DMD: variants seen among roughly 807,000 people sequenced by gnomAD.
DMD encodes the protein mutant dystrophin.
A neutral mutation model predicts 330.1 loss-of-function variants in DMD; 63 were observed. The ratio of observed to expected loss-of-function variants is 0.19; its 90% confidence interval spans 0.16 to 0.24. The LOEUF is 0.24. Ranked by LOEUF, DMD falls within the 10% of genes least tolerant of loss-of-function variation. The probability of loss-of-function intolerance (pLI) is 1.00; values close to 1 mark genes in which losing one functional copy is unlikely to be tolerated. For missense variants in DMD, 3,344 were observed against 2,684.1 expected, an observed-to-expected ratio of 1.25 and a Z score of -5.43; for synonymous variants, 1,223 against 959.8, an observed-to-expected ratio of 1.27 and a Z score of -5.07.
chrX:33,084,106 C>G (rs2094970041), intron 1 of DMD, among the ~76,000 whole-genome samples: 1 of 112,171 alleles, frequency 8.9e-6, no homozygotes, highest in Admixed American at 9.4e-5. Context: ...GCAATTAAGT[C>G]CACGCACATT....
chrX:32,177,992 G>T (rs2147423413), intron 44 of DMD, among the ~76,000 whole-genome samples: 1 of 110,471 alleles, frequency 9.1e-6, no homozygotes, highest in African/African-American at 3.3e-5. Flanking sequence ...TATGATAACT[G>T]CAGGGTTTTT....
intron 48 of DMD, among the ~76,000 whole-genome samples, chrX:31,844,065 T>TAACA (rs1444197654): frequency 8.9e-6 from 1 of 111,812 alleles, no homozygotes; most frequent in Non-Finnish European, 1.9e-5. Flanking sequence ...TTCACCATGT[T>TAACA]GGCCAGGATG....
intron 45 of DMD, among the ~76,000 whole-genome samples, chrX:31,946,026 A>T (rs958692056): frequency 1.8e-5 from 2 of 112,280 alleles, no homozygotes; most frequent in Admixed American, 9.4e-5. Flanking sequence ...CAACATTTAT[A>T]ATTTTCTCAA....
intron 2 of DMD, among the ~76,000 whole-genome samples, chrX:33,014,494 T>C (rs750137851): frequency 1.8e-5 from 2 of 111,732 alleles, no homozygotes; most frequent in Admixed American, 1.9e-4. Context: ...GGAGATTGAA[T>C]TTCTCACCAG....
intron 48 of DMD, among the ~76,000 whole-genome samples, chrX:31,845,567 A>G (rs917686445): frequency 9.9e-5 from 11 of 110,589 alleles, no homozygotes; most frequent in African/African-American, 3.6e-4. Context: ...CAAGATTTTA[A>G]GGATAAGGGG....
At chrX:32,281,135 T>A (rs1054783003) in intron 43 of DMD, among the ~76,000 whole-genome samples, 2 of 112,278 alleles carry the variant, frequency 1.8e-5, no homozygotes, top group African/African-American at 6.5e-5. Flanking sequence ...GAGAAATCCC[T>A]GGGGAAGCAG....
intron 61 of DMD, among the ~76,000 whole-genome samples, chrX:31,337,095 TTG>T (rs1284330772): frequency 9.1e-6 from 1 of 109,627 alleles, no homozygotes; most frequent in African/African-American, 3.3e-5. Flanking sequence ...GGCTAATTTT[TTG>T]TGTCTTTAGT....
At chrX:32,404,373 T>TA (rs2098105318) in intron 30 of DMD, among the ~76,000 whole-genome samples, 2 of 111,601 alleles carry the variant, frequency 1.8e-5, no homozygotes, top group African/African-American at 3.3e-5. Flanking sequence ...TTTCAATATT[T>TA]AATTATGAGG....
intron 54 of DMD, among the ~76,000 whole-genome samples, chrX:31,641,605 C>T (rs940156836): frequency 9.0e-6 from 1 of 110,504 alleles, no homozygotes; most frequent in Non-Finnish European, 1.9e-5. Context: ...TGAGTAAGTG[C>T]AACATCTCTT....
chrX:31,304,651 T>C, intron 62 of DMD, among the ~76,000 whole-genome samples: 1 of 109,077 alleles, frequency 9.2e-6, no homozygotes, highest in Non-Finnish European at 1.9e-5. Flanking sequence ...CAATAGCTGG[T>C]ACAATAGCCC....
chrX:32,722,244 A>G (rs911247710), intron 7 of DMD, among the ~76,000 whole-genome samples: 2 of 110,463 alleles, frequency 1.8e-5, no homozygotes. Flanking sequence ...ATTTCCACGG[A>G]TGCAACTGTA....
intron 55 of DMD, among the ~76,000 whole-genome samples, chrX:31,605,751 C>T (rs2148252919): frequency 9.0e-6 from 1 of 111,302 alleles, no homozygotes; most frequent in Non-Finnish European, 1.9e-5. Flanking sequence ...TTTAGAAAAG[C>T]ATGCCATAAG....
At chrX:32,910,611 G>A (rs1020254813) in intron 2 of DMD, among the ~76,000 whole-genome samples, 11 of 110,052 alleles carry the variant, frequency 1.0e-4, no homozygotes, top group African/African-American at 3.3e-4. Context: ...ATTTTTCTGT[G>A]TGTGCATTTT....
chrX:33,052,235 C>T (rs1168778053), intron 1 of DMD, among the ~76,000 whole-genome samples: 1 of 112,042 alleles, frequency 8.9e-6, no homozygotes, highest in Admixed American at 9.5e-5. Flanking sequence ...CCAAAATAAT[C>T]TTGAAATTTT....
chrX:32,513,724 G>A (rs2045573058), intron 18 of DMD, among the ~76,000 whole-genome samples: 1 of 111,711 alleles, frequency 9.0e-6, no homozygotes, highest in Non-Finnish European at 1.9e-5. Flanking sequence ...ATCACCCTGG[G>A]TTTTAAGAAA....
intron 62 of DMD, among the ~76,000 whole-genome samples, chrX:31,284,581 C>CTTCTTCCTTCT (rs2052960004): frequency 1.1e-5 from 1 of 95,069 alleles, no homozygotes; most frequent in African/African-American, 4.2e-5. Flanking sequence ...TCTTCTTCTT[C>CTTCTTCCTTCT]TTCTTCTTCT....
intron 7 of DMD, among the ~76,000 whole-genome samples, chrX:32,749,501 A>G (rs1381513926): frequency 2.7e-5 from 3 of 112,622 alleles, no homozygotes; most frequent in South Asian, 7.3e-4. Flanking sequence ...TCACAAGGTT[A>G]TTAAACAGTT....
chrX:33,124,476 GAAAAAAAAAAAAAAA>G (rs56147804), intron 1 of DMD, among the ~76,000 whole-genome samples: 1 of 16,132 alleles, frequency 6.2e-5, no homozygotes, highest in Non-Finnish European at 9.6e-5. Flanking sequence ...GACTCTGTCT[GAAAAAAAAAAAAAAA>G]AAAAAAAAAA....
chrX:32,945,436 T>G (rs1331091881), intron 2 of DMD, among the ~76,000 whole-genome samples: 3 of 111,590 alleles, frequency 2.7e-5, no homozygotes, highest in African/African-American at 9.7e-5. Context: ...AGTACCAAGT[T>G]GACAATATCA....
Sources: allele counts gnomAD v4.1 joint callset (sites outside exome capture counted in the v4.1 genomes callset), GRCh38; gene constraint gnomAD v4.1.1; transcripts MANE v1.5; gene names NCBI Gene and HGNC (gene_info 2026-07-23, HGNC 2026-07-21).